Variants in OSR1 observed in about 807,000 individuals in gnomAD.
The protein encoded by OSR1 is odd-skipped related transcription factor 1.
OSR1 carries 3 observed loss-of-function variants against 15.7 expected under a neutral mutation model. The ratio of observed to expected loss-of-function variants is 0.19; its 90% CI spans 0.09 to 0.50. The LOEUF (loss-of-function observed/expected upper bound fraction) is 0.50, where lower values mean the gene tolerates loss of function less well. OSR1 is among the 20% of genes least tolerant of loss of function. The pLI is 0.97. For missense variants in OSR1, 271 were observed against 351.1 expected (o/e 0.77, Z 1.82); for synonymous variants, 166 against 152.7 (o/e 1.09, Z -0.64).
chr2:19,355,671 C>G (rs1343529231), intron 1 of OSR1: 3 of 152,236 alleles, frequency 2.0e-5, no homozygotes, highest in African/African-American at 4.8e-5. Flanking sequence ...GGATAAAAAC[C>G]GTTGCAATGA....
In OSR1 at chr2:19,352,261, C is replaced by G. The variant is rs764419490; in HGVS notation, c.*14G>C. On this transcript the variant is annotated 3_prime_UTR_variant, in exon 3 of 3. Transcript: ENST00000272223. ...GCCGCTGGGCCTAGGGTCCTTGTGA[C>G]CCACAGGTTCTATTTAGCATTTGAT... The G allele has an allele frequency of 2.0e-5, 32 of 1,613,716 alleles. No individual in the cohort carries two copies.
At chr2:19,347,635 G>A (rs1187338096), downstream of OSR1, among the ~76,000 whole-genome samples, 1 of 152,212 alleles carries the variant, frequency 6.6e-6, no homozygotes, top group African/African-American at 2.4e-5. Context: ...CGGGATGAAC[G>A]GGTGGAGTGG....
downstream of OSR1, among the ~76,000 whole-genome samples, chr2:19,350,283 G>C (rs1276313417): frequency 6.6e-6 from 1 of 152,136 alleles, no homozygotes; most frequent in African/African-American, 2.4e-5. Flanking sequence ...GGGCTGGCCA[G>C]CAGGGGGCAG....
At chr2:19,350,825 G>C (rs1162394311), downstream of OSR1, among the ~76,000 whole-genome samples, 1 of 152,208 alleles carries the variant, frequency 6.6e-6, no homozygotes, top group Non-Finnish European at 1.5e-5. Context: ...TTCCTGACAA[G>C]GCTTTAAAAT....
At chr2:19,350,789 G>T (rs1652177891), downstream of OSR1, among the ~76,000 whole-genome samples, 1 of 152,168 alleles carries the variant, frequency 6.6e-6, no homozygotes, top group Admixed American at 6.5e-5. Context: ...AGCGTCCCGG[G>T]CCTCCCAGGG....
At chr2:19,348,512 G>C (rs570279340), downstream of OSR1, 2 of 154,354 alleles carry the variant, frequency 1.3e-5, no homozygotes, top group Middle Eastern at 5.2e-4. Context: ...TGAGAGGTGG[G>C]ACGGGACTCT....
rs1275940759 is a variant in OSR1 at position 19,357,640 on chromosome 2, T to A, written c.-33+701A>T. Reference sequence around the variant, plus strand: ...CTAGTGCTGTGTGTGGGTCTCGAATTGGAAAGCAGTGCTTGCGCCCACTGC... The same window carrying A: ...CTAGTGCTGTGTGTGGGTCTCGAATAGGAAAGCAGTGCTTGCGCCCACTGC... On this transcript the variant is annotated intron_variant, in intron 1 of 2. Transcript: ENST00000272223. This position sits in a 1 kb window ranked among gnomAD's most constrained non-coding sequence, Gnocchi z 5.0. 5.3e-5 allele frequency: 8 copies of A among 151,568 alleles called. No individual in the cohort carries two copies. The highest frequency in any genetic ancestry group is 1.9e-4 in the African/African-American group (8 of 41,172). 9.4% of individuals were successfully genotyped at this position (151,568 alleles called of 1,614,324 possible).
At chr2:19,358,266 C>G (rs893458730) in intron 1 of OSR1, 75 bp downstream of exon 1, 1 of 152,542 alleles carries the variant, frequency 6.6e-6, no homozygotes, top group African/African-American at 2.4e-5. Flanking sequence ...AGGCACCCGC[C>G]GAGCAGTGAC....
At chr2:19,353,967 C>A in intron 1 of OSR1, 130 bp from the exon 2 acceptor site, 1 of 764,964 alleles carries the variant, frequency 1.3e-6, no homozygotes, top group South Asian at 2.0e-5. Flanking sequence ...GAGTCTAAGA[C>A]CCCATTCCCA....
At chr2:19,352,904 T>C (rs944572235) in intron 2 of OSR1, among the ~76,000 whole-genome samples, 1 of 152,242 alleles carries the variant, frequency 6.6e-6, no homozygotes, top group African/African-American at 2.4e-5. Flanking sequence ...AGCTGTGTGC[T>C]TGTCTGGAGC....
In OSR1 at chr2:19,352,286, T is replaced by A. The variant is rs555776548; in HGVS notation, c.790A>T (p.Ile264Phe). 1 of 1,614,234 alleles carries A rather than the reference T, an allele frequency of 6.2e-7. No individual in the cohort carries two copies. Residue 264 changes from isoleucine to phenylalanine, a missense_variant, in exon 3 of 3, where the codon ATC (isoleucine) becomes TTC (phenylalanine). Ile to Phe is a conservative substitution (Grantham distance 21). Coordinates refer to ENST00000272223, the MANE Select transcript of OSR1 (RefSeq NM_145260.3). Reference sequence around the variant, plus strand: ...CCCACAGGTTCTATTTAGCATTTGATCTTGGAGGTTTTGAGCTCCTTCACC... The same window carrying A: ...CCCACAGGTTCTATTTAGCATTTGAACTTGGAGGTTTTGAGCTCCTTCACC... ...SQVKELKTSK[I>F]KC
chr2:19,353,500 G>C lies in OSR1; in HGVS notation c.306C>G (p.Ile102Met). The part of the protein sequence containing the change: ...FPHVIQPKPE[I>M]TAGGSVPALK... ...GCGCTGGAACGCTGCCTCCAGCGGT[G>C]ATCTCGGGCTTGGGTTGAATGACAT... Residue 102 changes from isoleucine to methionine, a missense_variant, in exon 2 of 3, where the codon ATC becomes ATG. Physicochemically the swap from Ile to Met is conservative, Grantham distance 10 (BLOSUM62 1). This residue lies in a region of OSR1 where 210 missense variants were observed against 218.4 expected (regional missense o/e 0.96). Transcript: ENST00000272223. 6.2e-7 allele frequency: 1 copy of C among 1,614,254 alleles called. No individual in the cohort carries two copies. The highest frequency in any genetic ancestry group is 1.1e-5 in the South Asian group (1 of 91,088).
downstream of OSR1, among the ~76,000 whole-genome samples, chr2:19,347,516 T>G (rs533578107): frequency 3.0e-4 from 46 of 152,308 alleles, 1 homozygote; most frequent in South Asian, 7.5e-3. Flanking sequence ...GCCACTGACA[T>G]GAGATTTGTC....
At chr2:19,346,056 G>A in the OSR1 span, among the ~76,000 whole-genome samples, 3 of 152,182 alleles carry the variant, frequency 2.0e-5, no homozygotes, top group African/African-American at 7.2e-5. Context: ...GGATCCAAGT[G>A]GTACCCACTC....
rs868334500 is a variant in OSR1 at position 19,352,108 on chromosome 2, G to A, written c.*167C>T. The A allele has an allele frequency of 5.1e-5, 35 of 689,030 alleles. No homozygotes were observed. The highest frequency in any genetic ancestry group is 7.4e-5 in the Non-Finnish European group (33 of 447,824). 42.7% of individuals were successfully genotyped at this position (689,030 alleles called of 1,614,324 possible). A position where few individuals can be genotyped will look rare whatever the true frequency, so the allele number is the denominator to read the frequency against. On this transcript the variant is annotated 3_prime_UTR_variant, in exon 3 of 3. Transcript: ENST00000272223. ...CAGGGACGGTCGGGGTCGCGGCCCC[G>A]GGCGGGGCTCTGAAGTGCCGCGTGC...
chr2:19,352,211 G>A lies in OSR1; in HGVS notation c.*64C>T. On this transcript the variant is annotated 3_prime_UTR_variant, in exon 3 of 3. Coordinates refer to ENST00000272223, the MANE Select transcript of OSR1 (RefSeq NM_145260.3). ...CTCTCCCGCTGCCCGCCAGAGTCAG[G>A]CTTCTGGTCCCTATGGAGGAGAGGG... 1 of 1,554,216 alleles carries A rather than the reference G, an allele frequency of 6.4e-7. No individual in the cohort carries two copies. Among genetic ancestry groups the A allele is most frequent in the African/African-American group, 1.4e-5 (1 of 72,858 alleles).
rs1258776470 is a variant in OSR1 at position 19,357,761 on chromosome 2, G to A, written c.-33+580C>T. On this transcript the variant is annotated intron_variant, in intron 1 of 2. Transcript: ENST00000272223. This position sits in a 1 kb window ranked among gnomAD's most constrained non-coding sequence, Gnocchi z 5.0. ...GGAGAATATCCCTAAGTTAGAGCGC[G>A]AGTGCAAGGCGGGGTTCAGACTCGC... 6.6e-6 allele frequency: 1 copy of A among 152,280 alleles called. No individual in the cohort carries two copies. The highest frequency in any genetic ancestry group is 1.5e-5 in the Non-Finnish European group (1 of 68,072). The allele number at this position is 152,280 out of a possible 1,614,324, so 9.4% of individuals were successfully genotyped here.
chr2:19,351,155 A>T (rs1288595019), downstream of OSR1, among the ~76,000 whole-genome samples: 1 of 152,110 alleles, frequency 6.6e-6, no homozygotes, highest in Non-Finnish European at 1.5e-5. Flanking sequence ...CTGTCTCAGC[A>T]CCCAGAGACT....
chr2:19,351,072 G>C (rs947811099), downstream of OSR1, among the ~76,000 whole-genome samples: 1 of 152,168 alleles, frequency 6.6e-6, no homozygotes, highest in Non-Finnish European at 1.5e-5. Flanking sequence ...CCAGGAGGGA[G>C]GCCTTCGGTT....
Sources: gnomAD v4.1 joint callset for allele counts (sites outside exome capture counted in the v4.1 genomes callset) on GRCh38, gnomAD v4.1.1 for gene constraint, gnomAD v4.1.1 regional missense constraint, Gnocchi (gnomAD v3.1) non-coding constraint, MANE v1.5 for transcripts, NCBI Gene and HGNC (gene_info 2026-07-23, HGNC 2026-07-21) for gene names.